SAFB: variants seen among roughly 807,000 people sequenced by gnomAD.
SAFB encodes scaffold attachment factor B1.
Under a neutral mutation model 101.6 loss-of-function variants are expected in SAFB, and 15 were observed. The ratio of observed to expected loss-of-function variants is 0.15; its 90% confidence interval spans 0.10 to 0.23. The LOEUF (loss-of-function observed/expected upper bound fraction) is 0.23. SAFB is among the 10% of genes least tolerant of loss of function. SAFB has a pLI of 1.00. For synonymous variants in SAFB, 449 were observed against 407.5 expected, an observed-to-expected ratio of 1.10 and a Z score of -1.23; for missense variants, 930 against 1,104.1, an observed-to-expected ratio of 0.84 and a Z score of 2.23.
intron 2 of SAFB, among the ~76,000 whole-genome samples, chr19:5,632,055 A>G (rs2053501889): frequency 6.6e-6 from 1 of 152,192 alleles, no homozygotes; most frequent in Admixed American, 6.5e-5. Context: ...TCTCGAAAAA[A>G]TAAAATAATT....
chr19:5,660,704 C>CAAAAAA (rs60011056), intron 14 of SAFB, among the ~76,000 whole-genome samples: 9 of 76,588 alleles, frequency 1.2e-4, no homozygotes, highest in African/African-American at 4.3e-4. Context: ...CCATCTCTAC[C>CAAAAAA]AAAAAAAAAA....
chr19:5,626,035 T>C (rs2053351363), intron 1 of SAFB, among the ~76,000 whole-genome samples: 1 of 152,176 alleles, frequency 6.6e-6, no homozygotes, highest in African/African-American at 2.4e-5. Context: ...TCTTCTGGGC[T>C]TAGGAAGGAG....
intron 1 of SAFB, 103 bp downstream of exon 1, chr19:5,623,497 G>C (rs1257728631): frequency 3.0e-6 from 3 of 984,486 alleles, no homozygotes; most frequent in African/African-American, 3.5e-5. Context: ...CGCGTTCGCG[G>C]CCTCGCCGGA....
At chr19:5,666,729 A>C (rs1447888049) in intron 17 of SAFB, 2 of 410,420 alleles carry the variant, frequency 4.9e-6, no homozygotes, top group South Asian at 2.9e-5. Context: ...TGTGGGACCC[A>C]GGGAATCTCT....
rs1330456794 is a variant in SAFB at position 5,649,006 on chromosome 19, G to C, written c.655G>C (p.Asp219His). Residue 219 changes from aspartate (D) to histidine (H), a missense_variant, in exon 7 of 21, where the codon GAC (aspartate) becomes CAC (histidine). Physicochemically the swap from Asp to His is moderately conservative, Grantham distance 81 (BLOSUM62 -1). Around this residue, in one of 7 missense-constraint regions of SAFB, gnomAD observed 130 missense variants for 114.2 expected, o/e 1.14. Transcript: ENST00000588852. ...ATCCGTAGAAAATGAGAAAATACTC[G>C]ACATTTTGGGGGAAACTTGTAAATC... ...SLEPENEKIL[D>H]ILGETCKSEP... 2.1e-6 allele frequency: 1 copy of C among 479,356 alleles called. No homozygotes were observed. The highest frequency in any genetic ancestry group is 3.7e-6 in the Non-Finnish European group (1 of 268,606). 29.7% of individuals were successfully genotyped at this position (479,356 alleles called of 1,614,324 possible).
chr19:5,640,435 G>A (rs1330477253), intron 2 of SAFB, among the ~76,000 whole-genome samples: 7 of 133,374 alleles, frequency 5.2e-5, no homozygotes, highest in Non-Finnish European at 1.5e-5. Flanking sequence ...GTGTGATCTC[G>A]GCTAACTGCA....
chr19:5,657,463 T>C (rs936305206), intron 14 of SAFB, 116 bp downstream of exon 14: 1 of 643,464 alleles, frequency 1.6e-6, no homozygotes, highest in Non-Finnish European at 2.8e-6. Context: ...ACCTTTTTGC[T>C]CCTTCAGCTT....
chr19:5,643,945 C>T (rs2053773610), intron 4 of SAFB, among the ~76,000 whole-genome samples: 1 of 152,132 alleles, frequency 6.6e-6, no homozygotes, highest in Non-Finnish European at 1.5e-5. Flanking sequence ...ACCTCTGCTC[C>T]TCACTTGCAA....
chr19:5,645,870 T>TTTTTGTTTTG (rs566926543), intron 5 of SAFB, among the ~76,000 whole-genome samples: 1 of 152,108 alleles, frequency 6.6e-6, no homozygotes, highest in Admixed American at 6.6e-5. Flanking sequence ...TGGGAAGTTT[T>TTTTTGTTTTG]TTTTGTTTTG....
intron 2 of SAFB, among the ~76,000 whole-genome samples, chr19:5,631,332 A>G (rs1245534333): frequency 1.3e-5 from 2 of 152,214 alleles, no homozygotes; most frequent in Admixed American, 6.5e-5. Flanking sequence ...CTAGAACTTC[A>G]TGTAAAATGG....
intron 2 of SAFB, among the ~76,000 whole-genome samples, chr19:5,638,714 C>CTTTTTTTTTTTTTTTTTTTTTTTTTTTTT: frequency 8.6e-6 from 1 of 116,358 alleles, no homozygotes; most frequent in Non-Finnish European, 1.8e-5. Flanking sequence ...TAATCTTAGT[C>CTTTTTTTTTTTTTTTTTTTTTTTTTTTTT]TTTTTTTTTT....
At position 5,667,928 on chromosome 19, in the gene SAFB, A is replaced by G. The variant is rs755491145; in HGVS notation, c.2624+42A>G. On this transcript the variant is annotated intron_variant, in intron 20 of 20. Transcript: ENST00000588852. The surrounding 1 kb of genome is among the most constrained non-coding windows in gnomAD (Gnocchi z 4.0). The stretch of plus-strand genomic sequence containing the variant: ...GCGGCGCCCCTTCCCCCTGCTTTGC[A>G]TATTGGCCTACCTTGCTGGAGGCTT... 1.3e-6 allele frequency: 2 copies of G among 1,554,912 alleles called. No homozygotes were observed. Among genetic ancestry groups the G allele is most frequent in the East Asian group, 2.3e-5 (1 of 44,276 alleles).
Position 5,667,201 on chromosome 19 carries a change from C to T in SAFB, c.2453+37C>T. The T allele has an allele frequency of 3.0e-6, 4 of 1,322,020 alleles. No homozygotes were observed. The highest frequency in any genetic ancestry group is 2.7e-5 in the South Asian group (2 of 75,126). 81.9% of individuals were successfully genotyped at this position (1,322,020 alleles called of 1,614,324 possible). A position where few individuals can be genotyped will look rare whatever the true frequency, so the allele number is the denominator to read the frequency against. On this transcript the variant is annotated intron_variant, in intron 18 of 20. Transcript: ENST00000588852. The surrounding 1 kb of genome is among the most constrained non-coding windows in gnomAD (Gnocchi z 4.0). ...ACACCCGACAGTACCTGACCCCCCC[C>T]CCGCCCACAAGGGGGCCCGCAAGTC...
intron 6 of SAFB, 27 bp downstream of exon 6, chr19:5,648,070 C>T (rs777425151): frequency 7.5e-6 from 12 of 1,593,818 alleles, no homozygotes; most frequent in East Asian, 2.2e-5. Context: ...AACTTACCAG[C>T]GGGGGTTTGG....
rs769414838 is a variant in SAFB, at chr19:5,661,572, C to T, written c.1917C>T (p.Arg639=). Residue 639 remains arginine (R), a synonymous_variant, in exon 15 of 21, where the codon CGC becomes CGT. Coordinates refer to ENST00000588852, the MANE Select transcript of SAFB (RefSeq NM_001201338.2). ...AACGCATGCAGGCGCAGTGGGAGCG[C>T]GAGGAGCGTGAGCGGCTGGAGATTG... is the stretch of plus-strand genomic sequence containing the variant. The part of the protein sequence containing the change: ...REQRMQAQWE[R]EERERLEIAR... 2.6e-4 allele frequency: 427 copies of T among 1,612,958 alleles called. 3 individuals carry two copies. The Middle Eastern group carries it at 4.4e-3, about 17-fold the overall frequency.
intron 15 of SAFB, among the ~76,000 whole-genome samples, chr19:5,663,090 C>T (rs2054251777): frequency 6.6e-6 from 1 of 152,150 alleles, no homozygotes; most frequent in Non-Finnish European, 1.5e-5. Context: ...GCAGCTTCCG[C>T]CTCCTGGGTT....
intron 4 of SAFB, among the ~76,000 whole-genome samples, chr19:5,642,651 CTTTTTTTTTTTTTTT>C (rs767488519): frequency 5.6e-5 from 4 of 70,842 alleles, no homozygotes; most frequent in African/African-American, 2.3e-4. Flanking sequence ...CCCTTCCTTT[CTTTTTTTTTTTTTTT>C]TTTTTTTTTT....
intron 10 of SAFB, 23 bp downstream of exon 10, chr19:5,653,287 G>C: frequency 6.2e-7 from 1 of 1,614,066 alleles, no homozygotes; most frequent in Non-Finnish European, 8.5e-7. Context: ...TTTCTTCCCA[G>C]GATATAGCCC....
intron 12 of SAFB, 24 bp from the exon 13 acceptor site, chr19:5,654,343 TA>T (rs748497767): frequency 3.7e-6 from 6 of 1,602,426 alleles, no homozygotes; most frequent in Non-Finnish European, 3.4e-6. Context: ...GTTTTCCACT[TA>T]CACTTTCCCC....
Sources: gnomAD v4.1 joint callset for allele counts (sites outside exome capture counted in the v4.1 genomes callset) on GRCh38, gnomAD v4.1.1 for gene constraint, gnomAD v4.1.1 regional missense constraint, Gnocchi (gnomAD v3.1) non-coding constraint, MANE v1.5 for transcripts, NCBI Gene and HGNC (gene_info 2026-07-23, HGNC 2026-07-21) for gene names.